Variants in ACSF2 observed in about 807,000 individuals in gnomAD.
ACSF2 encodes the protein medium-chain acyl-CoA ligase ACSF2, mitochondrial.
ACSF2 carries 52 observed loss-of-function variants against 79.3 expected under a neutral mutation model. That is an observed-to-expected ratio of 0.66 (90% CI 0.53 to 0.83). ACSF2 has a LOEUF of 0.83. Among genes scored for constraint, ACSF2 ranks in the 40% least tolerant of loss-of-function variants. The pLI is 0.00. For missense variants in ACSF2, 661 were observed against 803.3 expected (o/e 0.82, Z 2.14); for synonymous variants, 283 against 312.6 (o/e 0.91, Z 1.00).
intron 1 of ACSF2, among the ~76,000 whole-genome samples, chr17:50,448,548 G>A (rs1274140348): frequency 6.6e-6 from 1 of 152,170 alleles, no homozygotes; most frequent in Non-Finnish European, 1.5e-5. Context: ...CAAGTATAAC[G>A]AGTTTAATTG....
intron 1 of ACSF2, among the ~76,000 whole-genome samples, chr17:50,427,968 C>A (rs1342208367): frequency 1.3e-5 from 2 of 152,144 alleles, no homozygotes; most frequent in Non-Finnish European, 2.9e-5. Flanking sequence ...CTTGTGCCTG[C>A]ACCCTTATTG....
chr17:50,473,544 T>A, intron 12 of ACSF2, 121 bp from the exon 13 acceptor site: 1 of 1,372,558 alleles, frequency 7.3e-7, no homozygotes, highest in South Asian at 1.3e-5. Flanking sequence ...TCCTGCTATG[T>A]CTCCCAGAGT....
chr17:50,429,612 T>C (rs1486021722), intron 1 of ACSF2, among the ~76,000 whole-genome samples: 1 of 151,868 alleles, frequency 6.6e-6, no homozygotes, highest in African/African-American at 2.4e-5. Flanking sequence ...CTCCGCCTCC[T>C]GGGTTCAAGC....
In ACSF2 at chr17:50,473,916, G is replaced by A. The variant is rs1321082238; in HGVS notation, c.1640G>A (p.Arg547Gln). 1.1e-5 allele frequency: 17 copies of A among 1,584,174 alleles called. No individual in the cohort carries two copies. Among genetic ancestry groups the A allele is most frequent in the Non-Finnish European group, 1.2e-5 (14 of 1,162,434 alleles). The change falls in exon 14 of 16, where the codon CGG becomes CAG. Residue 547 changes from arginine to glutamine, a missense_variant. Coordinates refer to ENST00000300441, the MANE Select transcript of ACSF2 (RefSeq NM_025149.6). The part of the protein sequence containing the change: ...EVQVVGVKDD[R>Q]MGEEICACIR... ...AAGGTGGTGGGAGTGAAGGACGATC[G>A]GATGGGGGAAGAGATTTGTGCCTGC...
At chr17:50,472,739 G>T in intron 12 of ACSF2, 160 bp downstream of exon 12, 1 of 826,818 alleles carries the variant, frequency 1.2e-6, no homozygotes, top group South Asian at 2.2e-5. Flanking sequence ...CGGTGGGGAT[G>T]ATCATACATA....
chr17:50,442,914 C>CTT (rs941820816), intron 1 of ACSF2, among the ~76,000 whole-genome samples: 1 of 144,112 alleles, frequency 6.9e-6, no homozygotes, highest in African/African-American at 2.5e-5. Flanking sequence ...GGTTTTATTT[C>CTT]TTTTTTTTTT....
intron 1 of ACSF2, among the ~76,000 whole-genome samples, chr17:50,445,348 C>T (rs1294337257): frequency 1.3e-5 from 2 of 152,154 alleles, no homozygotes; most frequent in Non-Finnish European, 2.9e-5. Context: ...CAATTTGCCT[C>T]GAAAACCTGT....
chr17:50,461,951 TGC>T (rs1555611295), intron 4 of ACSF2, among the ~76,000 whole-genome samples: 1 of 150,482 alleles, frequency 6.6e-6, no homozygotes, highest in South Asian at 2.1e-4. Context: ...TGTGTGTGTG[TGC>T]GTGTGTCCAT....
At position 50,471,221 on chromosome 17, in the gene ACSF2, A is replaced by AT; in HGVS notation, c.1323+86_1323+87insT. On this transcript the variant is annotated intron_variant, in intron 11 of 15. Transcript: ENST00000300441. The surrounding 1 kb of genome is among the most constrained non-coding windows in gnomAD (Gnocchi z 4.1). The stretch of plus-strand genomic sequence containing the variant: ...GCTGGGACATCGGTTGCTTTCAGTG[A>AT]GAGAGTCAAATGGCTCACTCAGGAT... 1 of 1,145,616 alleles carries AT rather than the reference A, an allele frequency of 8.7e-7. No individual in the cohort carries two copies. Among genetic ancestry groups the AT allele is most frequent in the Non-Finnish European group, 1.3e-6 (1 of 765,098 alleles). The allele number at this position is 1,145,616 out of a possible 1,614,324, so 71.0% of individuals were successfully genotyped here.
At chr17:50,469,109 C>T in intron 10 of ACSF2, 5 of 1,120,834 alleles carry the variant, frequency 4.5e-6, no homozygotes, top group African/African-American at 1.6e-5. Flanking sequence ...CCGGCTGTAG[C>T]CCCCCGCTCT....
intron 1 of ACSF2, among the ~76,000 whole-genome samples, chr17:50,448,242 G>T (rs901201029): frequency 2.6e-5 from 4 of 152,250 alleles, no homozygotes; most frequent in African/African-American, 7.2e-5. Flanking sequence ...AAGTAGTCGT[G>T]TATGTGAACA....
chr17:50,443,424 T>C (rs1301861028), intron 1 of ACSF2, among the ~76,000 whole-genome samples: 1 of 152,192 alleles, frequency 6.6e-6, no homozygotes, highest in Non-Finnish European at 1.5e-5. Flanking sequence ...ATGCCCTCTT[T>C]CTAAACAAGA....
In ACSF2 at chr17:50,468,233, A is replaced by C. The variant is rs1054414418; in HGVS notation, c.1216-2795A>C. ...CACGTGGAATTTGGCGAGGTTCTCCACGTCGTCCAGGGCCCCGGGCTGCAG... is the reference window on the plus strand; with the variant it reads ...CACGTGGAATTTGGCGAGGTTCTCCCCGTCGTCCAGGGCCCCGGGCTGCAG... On this transcript the variant is annotated intron_variant, in intron 10 of 15. Coordinates refer to ENST00000300441, the MANE Select transcript of ACSF2 (RefSeq NM_025149.6). The C allele has an allele frequency of 4.3e-6, 7 of 1,612,572 alleles. No homozygotes were observed. In the African/African-American group the frequency reaches 9.3e-5, roughly 22 times the overall value.
intron 1 of ACSF2, among the ~76,000 whole-genome samples, chr17:50,429,521 CT>C (rs142859188): frequency 5.4e-5 from 8 of 147,204 alleles, no homozygotes; most frequent in East Asian, 2.0e-4. Context: ...TTCTCTTTTT[CT>C]TTTTTTTTTA....
In ACSF2 at chr17:50,446,985, T is replaced by C. The variant is rs558421586; in HGVS notation, c.129-13692T>C. Among the ~76,000 whole-genome samples, 10 of 152,372 alleles carry C rather than the reference T, an allele frequency of 6.6e-5. No homozygotes were observed. The South Asian group carries it at 2.1e-3, about 32-fold the overall frequency. ...GCACATGTTTGATTTCTATTGGATA[T>C]ATACCTAGGAGTAGATTATGCACAT... is the stretch of plus-strand genomic sequence containing the variant. On this transcript the variant is annotated intron_variant, in intron 1 of 15. Transcript: ENST00000300441.
intron 1 of ACSF2, among the ~76,000 whole-genome samples, chr17:50,428,277 G>A (rs923705603): frequency 5.9e-5 from 9 of 152,132 alleles, no homozygotes; most frequent in Non-Finnish European, 1.3e-4. Flanking sequence ...CTTGAAGTCA[G>A]GAGACCGGTT....
intron 6 of ACSF2, 159 bp from the exon 7 acceptor site, chr17:50,462,997 C>T: frequency 1.5e-6 from 1 of 664,000 alleles, no homozygotes; most frequent in East Asian, 2.6e-5. Flanking sequence ...GACCCTGACA[C>T]CTGGTATCGT....
Position 50,460,851 on chromosome 17 carries a change from C to T in ACSF2, c.303C>T (p.Thr101=). 1 of 1,610,036 alleles carries T rather than the reference C, an allele frequency of 6.2e-7. No homozygotes were observed. The highest frequency in any genetic ancestry group is 8.5e-7 in the Non-Finnish European group (1 of 1,177,784). Residue 101 remains threonine, a synonymous_variant, in exon 2 of 16, where the codon ACC becomes ACT. Transcript: ENST00000300441. ...LVVLHEDVRL[T]FAQLKEEVDK... is the part of the protein sequence containing the mutation. ...TCCTCCATGAAGACGTCAGGTTGAC[C>T]TTTGCCCAACTCAAGGAGGAGGTGG...
chr17:50,452,215 A>G (rs530135285), intron 1 of ACSF2, among the ~76,000 whole-genome samples: 5 of 152,166 alleles, frequency 3.3e-5, no homozygotes, highest in Admixed American at 6.5e-5. Context: ...TGCCTTTCCA[A>G]GTAGTTACTT....
Sources: allele counts gnomAD v4.1 joint callset (sites outside exome capture counted in the v4.1 genomes callset), GRCh38; gene constraint gnomAD v4.1.1; non-coding constraint Gnocchi (gnomAD v3.1); transcripts MANE v1.5; gene names NCBI Gene and HGNC (gene_info 2026-07-23, HGNC 2026-07-21).